Variants in CCDC69 observed in about 807,000 individuals in gnomAD.
The protein encoded by CCDC69 is coiled-coil domain containing 69.
A neutral mutation model predicts 40.3 loss-of-function variants in CCDC69; 38 were observed. That is an observed-to-expected ratio of 0.94 (90% CI 0.73 to 1.24). The LOEUF (loss-of-function observed/expected upper bound fraction) is 1.24. CCDC69 is among the 50% of genes most tolerant of loss of function. The pLI is 0.00. For synonymous variants in CCDC69, 141 were observed against 138.9 expected, an observed-to-expected ratio of 1.02 and a Z score of -0.11; for missense variants, 389 against 357.9, an observed-to-expected ratio of 1.09 and a Z score of -0.70.
intron 6 of CCDC69, 92 bp from the exon 7 acceptor site, chr5:151,185,633 AC>A: frequency 7.5e-7 from 1 of 1,339,736 alleles, no homozygotes; most frequent in South Asian, 1.3e-5. Flanking sequence ...TTCACAAGTC[AC>A]CCACCTTCCT....
intron 2 of CCDC69, among the ~76,000 whole-genome samples, chr5:151,202,418 T>C (rs974345065): frequency 2.6e-5 from 4 of 152,136 alleles, no homozygotes; most frequent in African/African-American, 7.2e-5. Context: ...TGGGAAGCTT[T>C]TACTTAATAA....
At chr5:151,210,581 CAT>C (rs1463422227) in intron 1 of CCDC69, 1 of 152,026 alleles carries the variant, frequency 6.6e-6, no homozygotes, top group Admixed American at 6.5e-5. Context: ...AAAAAATAAA[CAT>C]ATTGATTTGT....
chr5:151,212,676 T>C (rs185556355), intron 1 of CCDC69: 1 of 412,992 alleles, frequency 2.4e-6, no homozygotes, highest in Non-Finnish European at 4.9e-6. Context: ...CAAAACCAAA[T>C]TATAGGAGGG....
rs114290039 is a variant in CCDC69 at position 151,205,420 on chromosome 5, C to T, written c.104G>A (p.Gly35Asp). 3.1e-6 allele frequency: 5 copies of T among 1,614,040 alleles called. No homozygotes were observed. Among genetic ancestry groups the T allele is most frequent in the Non-Finnish European group, 1.7e-6 (2 of 1,179,976 alleles). Residue 35 changes from glycine to aspartate, a missense_variant, in exon 2 of 9, where the codon GGT (glycine) becomes GAT (aspartate). By Grantham distance (94) the Gly-to-Asp change is moderately conservative. Coordinates refer to ENST00000355417, the MANE Select transcript of CCDC69 (RefSeq NM_015621.3). ...CTCACCTGTGTCCCCATTGAGGGGA[C>T]CTAATTCATGGGGCTCTGGTCTGGG... ...QPPRPEPHEL[G>D]PLNGDTAITV...
intron 1 of CCDC69, 140 bp downstream of exon 1, chr5:151,223,783 C>G (rs1321050058): frequency 6.5e-6 from 5 of 768,726 alleles, no homozygotes; most frequent in African/African-American, 5.6e-5. Flanking sequence ...CCTCCCTCGT[C>G]TCTGAGCTGG....
intron 1 of CCDC69, among the ~76,000 whole-genome samples, chr5:151,223,392 C>A (rs1260548433): frequency 6.6e-6 from 1 of 152,228 alleles, no homozygotes; most frequent in Non-Finnish European, 1.5e-5. Context: ...AACTTTAAAG[C>A]GTCATCACCT....
chr5:151,201,630 G>C lies in CCDC69; in HGVS notation c.183C>G (p.Thr61=), dbSNP rs765903180. Residue 61 remains threonine (T), a synonymous_variant, in exon 3 of 9, where the codon ACC becomes ACG. Coordinates refer to ENST00000355417, the MANE Select transcript of CCDC69 (RefSeq NM_015621.3). The stretch of plus-strand genomic sequence containing the variant: ...CCTCCTCATGTTGCTGGAGAATTCT[G>C]GTTATATCCTTCTGGTGCCGCTCAG... ...EEAERHQKDI[T]RILQQHEEEK... The C allele has an allele frequency of 2.0e-5, 32 of 1,613,414 alleles. No individual in the cohort carries two copies. Among genetic ancestry groups the C allele is most frequent in the Non-Finnish European group, 2.6e-5 (31 of 1,179,736 alleles).
At position 151,223,923 on chromosome 5, in the gene CCDC69, CT is replaced by C; in HGVS notation, c.47del (p.Lys16ArgfsTer19). 4.4e-6 allele frequency: 7 copies of C among 1,585,360 alleles called. No homozygotes were observed. Among genetic ancestry groups the C allele is most frequent in the Admixed American group, 1.8e-5 (1 of 56,754 alleles). On this transcript the variant is annotated frameshift_variant and splice_region_variant, in exon 1 of 9. Coordinates refer to ENST00000355417, the MANE Select transcript of CCDC69 (RefSeq NM_015621.3). LOFTEE classifies it high-confidence loss of function. The stretch of plus-strand genomic sequence containing the variant: ...AAACTTCTCCGCCGGCGCCCTTTAC[CT>C]TTTTCGGGGGTTTGCAGCTGCTCAG... ...SRLSSCKPPK[K>X]KRQEPEPEQP...
Position 151,214,679 on chromosome 5 carries a change from G to A in CCDC69, c.49-9204C>T, listed in dbSNP as rs543745954. Among the ~76,000 whole-genome samples, 23 of 152,286 alleles carry A rather than the reference G, an allele frequency of 1.5e-4. No individual in the cohort carries two copies. In the East Asian group the frequency reaches 1.5e-3, roughly 10 times the overall value. ...TAGAAGTGCCAGGCTGCACCACTCC[G>A]CTGCACCGGGGACACGGCCTATGCT... On this transcript the variant is annotated intron_variant, in intron 1 of 8. Transcript: ENST00000355417.
chr5:151,187,962 A>G (rs1752549923), intron 4 of CCDC69, among the ~76,000 whole-genome samples: 3 of 152,324 alleles, frequency 2.0e-5, no homozygotes, highest in Middle Eastern at 3.4e-3. Flanking sequence ...TGAGAAGATC[A>G]TATCAGACAT....
At chr5:151,192,493 T>C (rs1261650386) in intron 4 of CCDC69, among the ~76,000 whole-genome samples, 2 of 151,756 alleles carry the variant, frequency 1.3e-5, no homozygotes, top group Non-Finnish European at 2.9e-5. Flanking sequence ...GTATATAACC[T>C]GAAATTCCTT....
chr5:151,222,214 T>C (rs1260479161), intron 1 of CCDC69, among the ~76,000 whole-genome samples: 1 of 152,234 alleles, frequency 6.6e-6, no homozygotes, highest in Non-Finnish European at 1.5e-5. Flanking sequence ...ATCTGTATAG[T>C]GGGTGCGTCA....
intron 1 of CCDC69, among the ~76,000 whole-genome samples, chr5:151,218,838 C>T (rs1310581211): frequency 6.6e-6 from 1 of 152,106 alleles, no homozygotes; most frequent in African/African-American, 2.4e-5. Context: ...TCTCAGGGGA[C>T]CTACATCAGC....
At position 151,183,613 on chromosome 5, in the gene CCDC69, G is replaced by T. The variant is rs764012830; in HGVS notation, c.715C>A (p.Gln239Lys). 5 of 1,606,076 alleles carry T rather than the reference G, an allele frequency of 3.1e-6. No individual in the cohort carries two copies. The Admixed American group carries it at 8.4e-5, about 27-fold the overall frequency. ...RSRNQVVLSRQLSEDLLLTRE... is the reference protein window; with the variant it reads ...RSRNQVVLSRKLSEDLLLTRE... ...GTGAGAAGCAGGTCTTCTGACAGCT[G>T]CCTGTGGATGCACACAGAGCCCAGG... The change falls in exon 9 of 9, where the codon CAG becomes AAG. Residue 239 changes from glutamine (Q) to lysine (K), a missense_variant and splice_region_variant. By Grantham distance (53) the Gln-to-Lys change is moderately conservative (BLOSUM62 1). Transcript: ENST00000355417.
chr5:151,198,067 T>C (rs1168562409), intron 4 of CCDC69, among the ~76,000 whole-genome samples: 1 of 152,236 alleles, frequency 6.6e-6, no homozygotes, highest in Non-Finnish European at 1.5e-5. Flanking sequence ...TAACTCTGGG[T>C]GGAATTATGA....
At chr5:151,220,732 G>A (rs1194595450) in intron 1 of CCDC69, among the ~76,000 whole-genome samples, 1 of 152,034 alleles carries the variant, frequency 6.6e-6, no homozygotes, top group Non-Finnish European at 1.5e-5. Context: ...CATCATTCCT[G>A]GTACTCTGCA....
intron 4 of CCDC69, among the ~76,000 whole-genome samples, chr5:151,193,331 A>G (rs1582041423): frequency 7.2e-6 from 1 of 138,230 alleles, no homozygotes; most frequent in Non-Finnish European, 1.5e-5. Flanking sequence ...CATGGCAAAA[A>G]CTCATTTCTA....
chr5:151,222,611 C>G (rs944384398), intron 1 of CCDC69, among the ~76,000 whole-genome samples: 9 of 152,184 alleles, frequency 5.9e-5, no homozygotes, highest in African/African-American at 2.2e-4. Flanking sequence ...ATGGCACCAC[C>G]AGGACTTACA....
intron 1 of CCDC69, among the ~76,000 whole-genome samples, chr5:151,216,430 T>TG (rs1753043122): frequency 1.4e-5 from 2 of 138,274 alleles, no homozygotes; most frequent in African/African-American, 5.6e-5. Flanking sequence ...TTTTTTTTTT[T>TG]GAGACTGAGT....
Sources: gnomAD v4.1 joint callset for allele counts (sites outside exome capture counted in the v4.1 genomes callset) on GRCh38, gnomAD v4.1.1 for gene constraint, MANE v1.5 for transcripts, NCBI Gene and HGNC (gene_info 2026-07-23, HGNC 2026-07-21) for gene names.